The following SPIDR variants were observed in gnomAD, a reference collection of about 807,000 sequenced individuals.
SPIDR encodes the protein scaffold protein involved in DNA repair.
In SPIDR, 93 loss-of-function variants were observed where a neutral mutation model predicts 104.6. The ratio of observed to expected loss-of-function variants is 0.89; its 90% CI spans 0.75 to 1.06. The LOEUF is 1.06. SPIDR is among the 50% of genes least tolerant of loss of function. The pLI, the probability that SPIDR is intolerant of heterozygous loss-of-function variation, is 0.00. For synonymous variants in SPIDR, 431 were observed against 416.9 expected, an observed-to-expected ratio of 1.03 and a Z score of -0.41; for missense variants, 1,154 against 1,111.2, an observed-to-expected ratio of 1.04 and a Z score of -0.55.
chr8:47,309,762 G>T (rs908373458), intron 5 of SPIDR, among the ~76,000 whole-genome samples: 1 of 152,130 alleles, frequency 6.6e-6, no homozygotes, highest in African/African-American at 2.4e-5. Context: ...AAGTTGGCCA[G>T]GCACAGTGGC....
intron 17 of SPIDR, among the ~76,000 whole-genome samples, chr8:47,728,036 G>A (rs529933132): frequency 1.3e-5 from 2 of 152,078 alleles, no homozygotes; most frequent in East Asian, 1.9e-4. Context: ...AGAATCTCTC[G>A]AAACGGGGAG....
At chr8:47,375,233 CTTTTT>C (rs869038432) in intron 5 of SPIDR, among the ~76,000 whole-genome samples, 1 of 53,346 alleles carries the variant, frequency 1.9e-5, no homozygotes, top group Admixed American at 3.4e-4. Flanking sequence ...AGTTAATAGG[CTTTTT>C]TTTTTTTTTT....
At chr8:47,707,750 G>C (rs1164720493) in intron 14 of SPIDR, among the ~76,000 whole-genome samples, 1 of 152,166 alleles carries the variant, frequency 6.6e-6, no homozygotes, top group African/African-American at 2.4e-5. Context: ...CCAAGTCCAT[G>C]ATGCATTTGG....
chr8:47,317,144 C>G (rs1356064003), intron 5 of SPIDR, among the ~76,000 whole-genome samples: 2 of 152,158 alleles, frequency 1.3e-5, no homozygotes, highest in Non-Finnish European at 2.9e-5. Flanking sequence ...TGAGCCGAAG[C>G]AGGGCGAGGC....
chr8:47,607,267 T>TAGGTAAGA (rs1373367668), intron 10 of SPIDR, among the ~76,000 whole-genome samples: 2 of 152,204 alleles, frequency 1.3e-5, no homozygotes, highest in African/African-American at 4.8e-5. Flanking sequence ...GGTTTGTTCT[T>TAGGTAAGA]ACCTTTGCTC....
At chr8:47,433,917 T>A (rs1554690659) in intron 7 of SPIDR, among the ~76,000 whole-genome samples, 1 of 151,562 alleles carries the variant, frequency 6.6e-6, no homozygotes, top group Admixed American at 6.6e-5. Flanking sequence ...GTATACACCT[T>A]CTTCATTTTA....
At chr8:47,394,248 G>A (rs1164493277) in intron 5 of SPIDR, among the ~76,000 whole-genome samples, 1 of 151,968 alleles carries the variant, frequency 6.6e-6, no homozygotes, top group African/African-American at 2.4e-5. Flanking sequence ...GCCCCTCTTG[G>A]CTTTGTTGCC....
intron 10 of SPIDR, among the ~76,000 whole-genome samples, chr8:47,608,048 A>G (rs1047474341): frequency 2.6e-5 from 4 of 152,186 alleles, no homozygotes; most frequent in African/African-American, 9.7e-5. Flanking sequence ...CATAACTATA[A>G]TACGATATTA....
chr8:47,521,400 C>G (rs888914525), intron 8 of SPIDR, among the ~76,000 whole-genome samples: 1 of 151,832 alleles, frequency 6.6e-6, no homozygotes, highest in Admixed American at 6.6e-5. Context: ...ATGGAAGATA[C>G]CAGAAACAAT....
chr8:47,371,314 A>C (rs1046677936), intron 5 of SPIDR, among the ~76,000 whole-genome samples: 1 of 152,130 alleles, frequency 6.6e-6, no homozygotes, highest in Non-Finnish European at 1.5e-5. Context: ...AGCATGGACA[A>C]CCTGGGCTCA....
chr8:47,622,393 TG>T (rs2065293274), intron 10 of SPIDR, among the ~76,000 whole-genome samples: 1 of 152,204 alleles, frequency 6.6e-6, no homozygotes, highest in Non-Finnish European at 1.5e-5. Context: ...CCTAAGCTTC[TG>T]GCCTCCTGGC....
chr8:47,281,182 A>T (rs1243330362), intron 2 of SPIDR, among the ~76,000 whole-genome samples: 7 of 152,198 alleles, frequency 4.6e-5, no homozygotes, highest in Non-Finnish European at 1.0e-4. Context: ...TGCTAAAAAA[A>T]ATGCTAACAA....
At chr8:47,489,664 A>G (rs2078327572) in intron 8 of SPIDR, among the ~76,000 whole-genome samples, 2 of 152,226 alleles carry the variant, frequency 1.3e-5, no homozygotes, top group Admixed American at 6.5e-5. Context: ...ATACAGACCA[A>G]TGGAACAGAA....
intron 7 of SPIDR, among the ~76,000 whole-genome samples, chr8:47,409,534 T>A (rs2063218497): frequency 6.6e-6 from 1 of 152,154 alleles, no homozygotes; most frequent in Non-Finnish European, 1.5e-5. Context: ...TCCTGAGGGA[T>A]CATTGGGATA....
At chr8:47,727,165 G>T (rs182269176) in intron 16 of SPIDR, 35 bp from the exon 17 acceptor site, 1 of 1,591,224 alleles carries the variant, frequency 6.3e-7, no homozygotes, top group East Asian at 2.2e-5. Context: ...GGGCAGAGCC[G>T]CCTCTGAGGT....
At chr8:47,327,609 T>A (rs2047909990) in intron 5 of SPIDR, among the ~76,000 whole-genome samples, 1 of 152,062 alleles carries the variant, frequency 6.6e-6, no homozygotes, top group South Asian at 2.1e-4. Flanking sequence ...GTTGCCCAGG[T>A]TGGAGTGGAG....
chr8:47,343,429 G>A (rs2051169582), intron 5 of SPIDR, among the ~76,000 whole-genome samples: 1 of 152,164 alleles, frequency 6.6e-6, no homozygotes, highest in African/African-American at 2.4e-5. Context: ...GTGAAACAGG[G>A]TCACTGTGCA....
intron 7 of SPIDR, among the ~76,000 whole-genome samples, chr8:47,412,561 C>T (rs1172379303): frequency 1.3e-5 from 2 of 152,176 alleles, no homozygotes; most frequent in African/African-American, 4.8e-5. Context: ...TGCTTGAAAT[C>T]ATCCTAATCA....
chr8:47,594,133 G>A (rs1053465882), intron 8 of SPIDR, among the ~76,000 whole-genome samples: 3 of 149,128 alleles, frequency 2.0e-5, no homozygotes, highest in Non-Finnish European at 4.4e-5. Context: ...GCCGAGGCGG[G>A]CAAATCACCT....
Sources: gnomAD v4.1 joint callset for allele counts (sites outside exome capture counted in the v4.1 genomes callset) on GRCh38, gnomAD v4.1.1 for gene constraint, MANE v1.5 for transcripts, NCBI Gene and HGNC (gene_info 2026-07-23, HGNC 2026-07-21) for gene names.